The following HDAC9 variants were observed in gnomAD, a reference collection of about 807,000 sequenced individuals.
HDAC9 encodes the protein histone deacetylase 9.
HDAC9 carries 41 observed loss-of-function variants against 139.4 expected under a neutral mutation model. That is an observed-to-expected ratio of 0.29 (90% CI 0.23 to 0.38). HDAC9 has a LOEUF of 0.38. Ranked by LOEUF, HDAC9 falls within the 10% of genes least tolerant of loss-of-function variation. The probability of loss-of-function intolerance (pLI) is 1.00; values close to 1 mark genes in which losing one functional copy is unlikely to be tolerated. For missense variants in HDAC9, 1,147 were observed against 1,297.0 expected (o/e 0.88, Z 1.78); for synonymous variants, 517 against 476.2 (o/e 1.09, Z -1.12).
chr7:18,513,234 T>C (rs1358272560), intron 2 of HDAC9, among the ~76,000 whole-genome samples: 2 of 152,182 alleles, frequency 1.3e-5, no homozygotes, highest in Non-Finnish European at 2.9e-5. Context: ...AGGAATTTTA[T>C]GAAGATAGGG....
At chr7:18,125,592 G>T (rs566951595) in intron 1 of HDAC9, among the ~76,000 whole-genome samples, 296 of 152,038 alleles carry the variant, frequency 1.9e-3, no homozygotes, top group African/African-American at 7.0e-3. Context: ...TGTAGACAGG[G>T]ATTACAGTCT....
intron 14 of HDAC9, among the ~76,000 whole-genome samples, chr7:18,750,366 C>T (rs987032814): frequency 3.3e-5 from 5 of 151,944 alleles, no homozygotes; most frequent in Admixed American, 6.6e-5. Context: ...TCTTATGGAT[C>T]GCTCAGTAGT....
rs754369981 is a variant in HDAC9 at position 18,273,625 on chromosome 7, G to A, written c.25+111276G>A. On this transcript the variant is annotated intron_variant, in intron 2 of 12. Coordinates refer to the HDAC9 transcript ENST00000417496. ...TGGAAATGGAAATTGGAGGATATTTGTGTGATATAGGGAAGGACAGTAGTT... is the reference window on the plus strand; with the variant it reads ...TGGAAATGGAAATTGGAGGATATTTATGTGATATAGGGAAGGACAGTAGTT... Among the ~76,000 whole-genome samples, 50 of 152,098 alleles carry A rather than the reference G, an allele frequency of 3.3e-4. 1 individual carries two copies. Among genetic ancestry groups the A allele is most frequent in the Admixed American group, 3.1e-3 (48 of 15,266 alleles).
chr7:18,529,185 A>G (rs1807995511), intron 2 of HDAC9, among the ~76,000 whole-genome samples: 2 of 150,622 alleles, frequency 1.3e-5, no homozygotes. Context: ...ACCAGAGAAG[A>G]AAAAAAAAAT....
intron 12 of HDAC9, among the ~76,000 whole-genome samples, chr7:18,671,050 A>G (rs1376789530): frequency 6.6e-6 from 1 of 151,928 alleles, no homozygotes; most frequent in African/African-American, 2.4e-5. Context: ...AGGAGAAAGG[A>G]TTTCAGCAGG....
chr7:18,304,653 T>C (rs1265219723), intron 1 of HDAC9, among the ~76,000 whole-genome samples: 2 of 152,156 alleles, frequency 1.3e-5, no homozygotes, highest in African/African-American at 2.4e-5. Flanking sequence ...TCTCAGAAAC[T>C]AGATCACCTA....
intron 6 of HDAC9, among the ~76,000 whole-genome samples, chr7:18,600,351 C>A (rs1833626661): frequency 6.6e-6 from 1 of 151,918 alleles, no homozygotes; most frequent in Non-Finnish European, 1.5e-5. Context: ...GTTTTATATC[C>A]AAAAATTTTT....
chr7:18,709,776 A>G (rs1584890357), intron 12 of HDAC9, among the ~76,000 whole-genome samples: 1 of 152,158 alleles, frequency 6.6e-6, no homozygotes, highest in African/African-American at 2.4e-5. Flanking sequence ...GCCTCAAGCA[A>G]TCCTTCCACC....
chr7:18,454,289 G>T (rs550699590), intron 1 of HDAC9, among the ~76,000 whole-genome samples: 1 of 151,978 alleles, frequency 6.6e-6, no homozygotes, highest in Non-Finnish European at 1.5e-5. Flanking sequence ...TAGGTCACTC[G>T]AATTTTGAGA....
chr7:18,369,130 A>G (rs10237893), intron 1 of HDAC9, among the ~76,000 whole-genome samples: 4,180 of 152,178 alleles, frequency 0.027, 196 homozygotes, highest in African/African-American at 0.095. Context: ...GTATTTCCAC[A>G]TATCTCTATT....
At chr7:18,322,472 A>T (rs952952310) in intron 1 of HDAC9, among the ~76,000 whole-genome samples, 1 of 152,218 alleles carries the variant, frequency 6.6e-6, no homozygotes, top group Non-Finnish European at 1.5e-5. Flanking sequence ...CAGTGAGAAT[A>T]ACTTTCAAGG....
chr7:18,134,247 T>C (rs113473224), intron 1 of HDAC9, among the ~76,000 whole-genome samples: 215 of 152,288 alleles, frequency 1.4e-3, no homozygotes, highest in African/African-American at 4.8e-3. Flanking sequence ...GGCTGAGTAA[T>C]GCCAAGTATA....
intron 1 of HDAC9, among the ~76,000 whole-genome samples, chr7:18,101,526 C>T (rs1782858909): frequency 6.6e-6 from 1 of 152,214 alleles, no homozygotes; most frequent in Admixed American, 6.5e-5. Flanking sequence ...TTTTCTCTTC[C>T]ATGTAAAACC....
At position 18,542,880 on chromosome 7, in the gene HDAC9, T is replaced by C. The variant is rs539423628; in HGVS notation, c.23-42401T>C. Among the ~76,000 whole-genome samples, 20 of 152,310 alleles carry C rather than the reference T, an allele frequency of 1.3e-4. No individual in the cohort carries two copies. In the South Asian group the frequency reaches 4.1e-3, roughly 32 times the overall value. ...AAAATTAATGAAGTATATTAATTAC[T>C]GTTATTTATAATGGCAAAATTAGAA... On this transcript the variant is annotated intron_variant, in intron 2 of 25. Transcript: ENST00000686413.
intron 11 of HDAC9, among the ~76,000 whole-genome samples, chr7:18,664,592 G>GC (rs1468930590): frequency 4.6e-5 from 7 of 151,964 alleles, no homozygotes; most frequent in African/African-American, 1.7e-4. Flanking sequence ...CACAGACTCT[G>GC]CCTTCTACCA....
At chr7:18,147,319 A>G (rs1190952132) in intron 1 of HDAC9, among the ~76,000 whole-genome samples, 2 of 152,192 alleles carry the variant, frequency 1.3e-5, no homozygotes, top group African/African-American at 4.8e-5. Flanking sequence ...AAAAATAAAA[A>G]TACACTGCTT....
intron 12 of HDAC9, among the ~76,000 whole-genome samples, chr7:18,696,917 C>G (rs1184993586): frequency 6.6e-6 from 1 of 152,100 alleles, no homozygotes; most frequent in Non-Finnish European, 1.5e-5. Flanking sequence ...CGGTGAGCAT[C>G]ATTGGCGCTG....
At chr7:18,123,812 A>G (rs375919644) in intron 1 of HDAC9, among the ~76,000 whole-genome samples, 1 of 152,176 alleles carries the variant, frequency 6.6e-6, no homozygotes, top group Non-Finnish European at 1.5e-5. Flanking sequence ...CTCACATAAT[A>G]AGTCTAAAAC....
In HDAC9 at chr7:18,114,759, C is replaced by T. The variant is rs529448979; in HGVS notation, c.-97+27546C>T. On this transcript the variant is annotated intron_variant, in intron 1 of 12. Transcript: ENST00000417496. ...AAAGATAAGCAAAGAGGAAAGTGAT[C>T]TGAGAATCTGCCTGATAATACTTTT... Among the ~76,000 whole-genome samples the T allele has an allele frequency of 2.3e-3, 356 of 152,308 alleles. 1 individual carries two copies. Among genetic ancestry groups the T allele is most frequent in the Non-Finnish European group, 3.7e-3 (253 of 68,022 alleles).
Sources: gnomAD v4.1 joint callset for allele counts (sites outside exome capture counted in the v4.1 genomes callset) on GRCh38, gnomAD v4.1.1 for gene constraint, MANE v1.5 for transcripts, NCBI Gene and HGNC (gene_info 2026-07-23, HGNC 2026-07-21) for gene names.